DOK7: variants seen among roughly 807,000 people sequenced by gnomAD.
DOK7 encodes the protein docking protein 7.
In DOK7, 32 loss-of-function variants were observed where a neutral mutation model predicts 30.7. The ratio of observed to expected loss-of-function variants is 1.04; its 90% CI spans 0.79 to 1.40. DOK7 has a LOEUF of 1.40. DOK7 is among the 40% of genes most tolerant of loss of function. The pLI is 0.00. For synonymous variants in DOK7, 447 were observed against 324.1 expected, an observed-to-expected ratio of 1.38 and a Z score of -4.07; for missense variants, 1,007 against 699.2, an observed-to-expected ratio of 1.44 and a Z score of -4.97.
downstream of DOK7, among the ~76,000 whole-genome samples, chr4:3,498,189 G>A (rs1467373143): frequency 6.6e-6 from 1 of 152,154 alleles, no homozygotes; most frequent in African/African-American, 2.4e-5. Flanking sequence ...CACTGAAAGA[G>A]TATCCGAGGT....
chr4:3,495,785 C>T (rs1431928606), downstream of DOK7, among the ~76,000 whole-genome samples: 7 of 148,622 alleles, frequency 4.7e-5, no homozygotes, highest in Admixed American at 1.4e-4. Context: ...CACACCTACC[C>T]GCCTGCCCCC....
chr4:3,490,227 CCTCATTCATTCCTTCCTTTTCTCCCTGCT>C (rs1728173500), intron 6 of DOK7, among the ~76,000 whole-genome samples: 1 of 109,750 alleles, frequency 9.1e-6, no homozygotes, highest in African/African-American at 3.5e-5. Context: ...GTCTTCACCC[CCTCATTCATTCCTTCCTTTTCTCCCTGCT>C]CATTCATTCC....
downstream of DOK7, among the ~76,000 whole-genome samples, chr4:3,494,725 G>C (rs367764171): frequency 1.4e-4 from 21 of 152,344 alleles, no homozygotes; most frequent in African/African-American, 4.8e-4. Context: ...GCACATTCCT[G>C]GGTGTGTCCT....
chr4:3,464,253 G>A (rs1726143734), intron 2 of DOK7, among the ~76,000 whole-genome samples: 1 of 152,198 alleles, frequency 6.6e-6, no homozygotes, highest in Admixed American at 6.5e-5. Context: ...GTGTGCATGG[G>A]GGGCTGTACG....
intron 2 of DOK7, among the ~76,000 whole-genome samples, chr4:3,469,864 C>T (rs1015662353): frequency 1.3e-5 from 2 of 152,182 alleles, no homozygotes; most frequent in Non-Finnish European, 2.9e-5. Flanking sequence ...AGGGGGTGGG[C>T]GTCAGCTGCC....
At chr4:3,491,007 C>G (rs1728354794) in intron 6 of DOK7, among the ~76,000 whole-genome samples, 1 of 90,528 alleles carries the variant, frequency 1.1e-5, no homozygotes, top group Non-Finnish European at 2.5e-5. Context: ...CTTCCTTCTT[C>G]TTCCTGCTCA....
chr4:3,485,591 G>C lies in DOK7; in HGVS notation c.585G>C (p.Leu195=). 6.2e-7 allele frequency: 1 copy of C among 1,608,276 alleles called. No homozygotes were observed. Among genetic ancestry groups the C allele is most frequent in the South Asian group, 1.1e-5 (1 of 90,294 alleles). ...CCGAGGGGGAGCAGATCAGCTTCCT[G>C]TTCGACTGCATCGTCCGAGGCATCT... ...SSAEGEQISF[L]FDCIVRGISP... The change falls in exon 5 of 7, where the codon CTG becomes CTC. Residue 195 remains leucine, a synonymous_variant. Coordinates refer to ENST00000340083, the MANE Select transcript of DOK7 (RefSeq NM_173660.5).
chr4:3,484,735 C>T (rs1727655541), intron 4 of DOK7: 2 of 985,404 alleles, frequency 2.0e-6, no homozygotes, highest in East Asian at 1.1e-4. Flanking sequence ...CACACGGCCT[C>T]AGGGCAGCAC....
Position 3,494,185 on chromosome 4 carries a change from G to A in DOK7, c.*684G>A. ...GCCTGCTGACCCCACTGGGAGAGGC[G>A]CCGTGCCTCGGGCCCCTGGTGGGAG... On this transcript the variant is annotated 3_prime_UTR_variant, in exon 7 of 7. Transcript: ENST00000340083. The A allele has an allele frequency of 5.1e-6, 5 of 985,592 alleles. No homozygotes were observed. The highest frequency in any genetic ancestry group is 6.0e-6 in the Non-Finnish European group (5 of 830,026). 61.1% of individuals were successfully genotyped at this position (985,592 alleles called of 1,614,324 possible). A position where few individuals can be genotyped will look rare whatever the true frequency, so the allele number is the denominator to read the frequency against.
rs757194339 is a variant in DOK7, at chr4:3,493,418, G to T, written c.1432G>T (p.Gly478Cys). 5.6e-6 allele frequency: 9 copies of T among 1,599,696 alleles called. No individual in the cohort carries two copies. Among genetic ancestry groups the T allele is most frequent in the Non-Finnish European group, 7.7e-6 (9 of 1,173,458 alleles). Residue 478 changes from glycine (G) to cysteine (C), a missense_variant, in exon 7 of 7, where the codon GGC becomes TGC. Gly to Cys is a radical substitution (Grantham distance 159). Transcript: ENST00000340083. ...GPAPGEPWEA[G>C]GPHAGPPPAF... ...TGCCCCTGGCGAGCCCTGGGAAGCAGGCGGCCCCCACGCGGGGCCACCCCC... is the reference window on the plus strand; with the variant it reads ...TGCCCCTGGCGAGCCCTGGGAAGCATGCGGCCCCCACGCGGGGCCACCCCC...
At chr4:3,500,953 G>A in exon 8 of DOK7, 1 of 1,373,162 alleles carries the variant, frequency 7.3e-7, no homozygotes, top group Non-Finnish European at 9.6e-7. Context: ...AGCAGGCATG[G>A]CCGGTCTCCG....
Position 3,493,328 on chromosome 4 carries a change from G to T in DOK7, c.1342G>T (p.Gly448Cys), listed in dbSNP as rs1374550864. Reference protein sequence around the residue: ...TSAGCPSGWLGTRRRGLVMEA... With the variant: ...TSAGCPSGWLCTRRRGLVMEA... ...CGCCGGGTGTCCCTCTGGCTGGCTG[G>T]GCACGAGACGGCGGGGCCTGGTGAT... Residue 448 changes from glycine (G) to cysteine (C), a missense_variant, in exon 7 of 7, where the codon GGC (glycine) becomes TGC (cysteine). Gly to Cys is a radical substitution (Grantham distance 159). Transcript: ENST00000340083. 2.5e-6 allele frequency: 4 copies of T among 1,601,720 alleles called. No homozygotes were observed. The highest frequency in any genetic ancestry group is 2.6e-6 in the Non-Finnish European group (3 of 1,174,472).
At chr4:3,469,787 C>T (rs749899498) in intron 2 of DOK7, among the ~76,000 whole-genome samples, 27 of 152,192 alleles carry the variant, frequency 1.8e-4, no homozygotes, top group Non-Finnish European at 3.2e-4. Flanking sequence ...TGGCACTCCC[C>T]GAGAGATGCA....
chr4:3,490,461 T>G (rs1370336277), intron 6 of DOK7, among the ~76,000 whole-genome samples: 1 of 112,074 alleles, frequency 8.9e-6, no homozygotes, highest in East Asian at 2.9e-4. Flanking sequence ...GCTCATTCAT[T>G]CCTTTCTTCT....
chr4:3,493,304 G>T lies in DOK7; in HGVS notation c.1318G>T (p.Ala440Ser), dbSNP rs753026831. ...CAGGGACTCAGGCGGCCAGACGTCC[G>T]CCGGGTGTCCCTCTGGCTGGCTGGG... ...AARDSGGQTSAGCPSGWLGTR... is the reference protein window; with the variant it reads ...AARDSGGQTSSGCPSGWLGTR... Residue 440 changes from alanine (A) to serine (S), a missense_variant, in exon 7 of 7, where the codon GCC becomes TCC. Physicochemically the swap from Ala to Ser is moderately conservative, Grantham distance 99 (BLOSUM62 1). Transcript: ENST00000340083. 12 of 1,606,158 alleles carry T rather than the reference G, an allele frequency of 7.5e-6. No homozygotes were observed. Among genetic ancestry groups the T allele is most frequent in the East Asian group, 2.2e-5 (1 of 44,596 alleles).
In DOK7 at chr4:3,476,402, T is replaced by G; in HGVS notation, c.392T>G (p.Leu131Arg). Residue 131 changes from leucine (L) to arginine (R), a missense_variant, in exon 4 of 7, where the codon CTG (leucine) becomes CGG (arginine). Physicochemically the swap from Leu to Arg is moderately radical, Grantham distance 102. Coordinates refer to ENST00000340083, the MANE Select transcript of DOK7 (RefSeq NM_173660.5). ...GTKLESGPAT[L>R]HLCNDVLVLA... is the part of the protein sequence containing the mutation. ...AAGTTGGAGAGCGGCCCGGCTACCC[T>G]GCACCTCTGCAATGATGTCCTCGTC... The G allele has an allele frequency of 6.2e-7, 1 of 1,613,150 alleles. No individual in the cohort carries two copies. The highest frequency in any genetic ancestry group is 8.5e-7 in the Non-Finnish European group (1 of 1,179,966).
At position 3,489,690 on chromosome 4, in the gene DOK7, G is replaced by A. The variant is rs756895721; in HGVS notation, c.666G>A (p.Pro222=). The change falls in exon 6 of 7, where the codon CCG becomes CCA. Residue 222 remains proline (P), a synonymous_variant. Transcript: ENST00000340083. The part of the protein sequence containing the change: ...LRPVLPDPSP[P]GPSTVEERVA... Reference sequence around the variant, plus strand: ...TCTCTGCCACAGACCCAAGTCCCCCGGGACCCTCGACTGTGGAGGAGCGTG... The same window carrying A: ...TCTCTGCCACAGACCCAAGTCCCCCAGGACCCTCGACTGTGGAGGAGCGTG... The A allele has an allele frequency of 7.7e-6, 12 of 1,565,302 alleles. No individual in the cohort carries two copies. Among genetic ancestry groups the A allele is most frequent in the East Asian group, 4.8e-5 (2 of 42,010 alleles).
intron 2 of DOK7, among the ~76,000 whole-genome samples, chr4:3,464,895 G>A (rs993289351): frequency 1.3e-5 from 2 of 152,202 alleles, no homozygotes; most frequent in African/African-American, 2.4e-5. Flanking sequence ...TCCCCCAGGT[G>A]GGACAATCTG....
In DOK7 at chr4:3,492,744, C is replaced by A; in HGVS notation, c.773-15C>A. ...TGTACCCCCACAACTGCCTTGGCTT[C>A]CTGCTCTGTCTCAGGGGATGACCGC... On this transcript the variant is annotated splice_polypyrimidine_tract_variant and intron_variant, in intron 6 of 6. Coordinates refer to ENST00000340083, the MANE Select transcript of DOK7 (RefSeq NM_173660.5). 3 of 1,611,932 alleles carry A rather than the reference C, an allele frequency of 1.9e-6. No homozygotes were observed. Among genetic ancestry groups the A allele is most frequent in the Non-Finnish European group, 2.5e-6 (3 of 1,179,960 alleles).
Sources: gnomAD v4.1 joint callset for allele counts (sites outside exome capture counted in the v4.1 genomes callset) on GRCh38, gnomAD v4.1.1 for gene constraint, MANE v1.5 for transcripts, NCBI Gene and HGNC (gene_info 2026-07-23, HGNC 2026-07-21) for gene names.